The following ZMIZ1 variants were observed in gnomAD, a reference collection of about 807,000 sequenced individuals.
The protein encoded by ZMIZ1 is zinc finger MIZ domain-containing protein 1.
A neutral mutation model predicts 113.9 loss-of-function variants in ZMIZ1; 17 were observed. That is an observed-to-expected ratio of 0.15 (90% CI 0.10 to 0.22). The LOEUF (loss-of-function observed/expected upper bound fraction) is 0.22, where lower values mean the gene tolerates loss of function less well. Among genes scored for constraint, ZMIZ1 ranks in the 10% least tolerant of loss-of-function variants. The probability of loss-of-function intolerance (pLI) is 1.00; values close to 1 mark genes in which losing one functional copy is unlikely to be tolerated. For missense variants in ZMIZ1, 1,059 were observed against 1,477.8 expected (o/e 0.72, Z 4.65); for synonymous variants, 607 against 603.1 (o/e 1.01, Z -0.09).
intron 1 of ZMIZ1, among the ~76,000 whole-genome samples, chr10:79,073,844 C>T (rs981863263): frequency 4.6e-5 from 7 of 152,054 alleles, no homozygotes; most frequent in African/African-American, 9.7e-5. Flanking sequence ...GGGTCGGGCC[C>T]GGCATGGGTG....
chr10:79,160,820 C>T (rs963864651), intron 3 of ZMIZ1, among the ~76,000 whole-genome samples: 2 of 152,244 alleles, frequency 1.3e-5, no homozygotes, highest in African/African-American at 2.4e-5. Context: ...CTGTGAGCCA[C>T]GATCTTTGTT....
At chr10:79,244,233 GGT>G (rs1471113847) in intron 7 of ZMIZ1, among the ~76,000 whole-genome samples, 5 of 152,222 alleles carry the variant, frequency 3.3e-5, no homozygotes, top group Non-Finnish European at 7.3e-5. Flanking sequence ...TCGCAAAGGT[GGT>G]GGGTGCCGAA....
intron 14 of ZMIZ1, 40 bp from the exon 15 acceptor site, chr10:79,298,366 G>C: frequency 6.3e-7 from 1 of 1,589,214 alleles, no homozygotes; most frequent in South Asian, 1.1e-5. Flanking sequence ...TTCTGTCTCC[G>C]TAATCCCATA....
chr10:79,096,292 C>T (rs1408337381), intron 1 of ZMIZ1, among the ~76,000 whole-genome samples: 1 of 152,166 alleles, frequency 6.6e-6, no homozygotes, highest in Non-Finnish European at 1.5e-5. Flanking sequence ...AGGCGGATCA[C>T]AAGGTCAGGA....
chr10:79,299,205 C>A lies in ZMIZ1; in HGVS notation c.1808+14C>A. 6.3e-7 allele frequency: 1 copy of A among 1,595,676 alleles called. No individual in the cohort carries two copies. The highest frequency in any genetic ancestry group is 1.7e-4 in the Middle Eastern group (1 of 5,980). On this transcript the variant is annotated intron_variant, in intron 16 of 24. Transcript: ENST00000334512. ...GCTGATGTGGAGGTGCGTGTCAGGG[C>A]AGGGGCGCCAGCCCAGGCGGGATGA...
chr10:79,297,752 C>T lies in ZMIZ1; in HGVS notation c.1491+62C>T, dbSNP rs1185511600. 4.1e-6 allele frequency: 6 copies of T among 1,455,566 alleles called. No homozygotes were observed. The African/African-American group carries it at 7.0e-5, about 17-fold the overall frequency. The allele number at this position is 1,455,566 out of a possible 1,614,324, so 90.2% of individuals were successfully genotyped here. ...GGGAGTTGTTGCCTCTAAAGGTTCT[C>T]ACTGTTCCTGCTCCAGCCTCTCTGG... On this transcript the variant is annotated intron_variant, in intron 14 of 24. Coordinates refer to ENST00000334512, the MANE Select transcript of ZMIZ1 (RefSeq NM_020338.4).
At chr10:79,071,346 G>A (rs1842279120) in intron 1 of ZMIZ1, among the ~76,000 whole-genome samples, 1 of 152,242 alleles carries the variant, frequency 6.6e-6, no homozygotes, top group Admixed American at 6.5e-5. Flanking sequence ...ACAGGGCAGG[G>A]CAGGAGGCCA....
At chr10:79,205,332 G>A (rs1848272671) in intron 5 of ZMIZ1, among the ~76,000 whole-genome samples, 2 of 152,178 alleles carry the variant, frequency 1.3e-5, no homozygotes, top group Admixed American at 1.3e-4. Flanking sequence ...CTCCCACTGG[G>A]GCTCATTCTG....
intron 2 of ZMIZ1, among the ~76,000 whole-genome samples, chr10:79,125,594 C>T (rs1294332996): frequency 6.6e-6 from 1 of 152,238 alleles, no homozygotes; most frequent in Non-Finnish European, 1.5e-5. Flanking sequence ...ATGAGCCACA[C>T]ACCCAGGCCA....
chr10:79,289,828 C>A lies in ZMIZ1; in HGVS notation c.479C>A (p.Pro160His). 1 of 1,614,110 alleles carries A rather than the reference C, an allele frequency of 6.2e-7. No homozygotes were observed. Among genetic ancestry groups the A allele is most frequent in the Non-Finnish European group, 8.5e-7 (1 of 1,179,936 alleles). Residue 160 changes from proline (P) to histidine (H), a missense_variant, in exon 9 of 25, where the codon CCT becomes CAT. Pro to His is a moderately conservative substitution (Grantham distance 77, BLOSUM62 -2). Coordinates refer to ENST00000334512, the MANE Select transcript of ZMIZ1 (RefSeq NM_020338.4). The part of the protein sequence containing the change: ...SVPWQQNTNQ[P>H]PGSLSVVTTV... ...CCTTGGCAGCAGAACACCAACCAGC[C>A]TCCCGGCTCCCTTTCCGTGGTCACC...
chr10:79,174,390 G>A (rs1416405134), intron 4 of ZMIZ1, among the ~76,000 whole-genome samples: 1 of 152,260 alleles, frequency 6.6e-6, no homozygotes, highest in Non-Finnish European at 1.5e-5. Flanking sequence ...CCAAAGGGAT[G>A]AGTAGGAGAA....
intron 1 of ZMIZ1, among the ~76,000 whole-genome samples, chr10:79,115,408 G>T (rs891522568): frequency 5.3e-5 from 8 of 152,156 alleles, no homozygotes; most frequent in African/African-American, 1.4e-4. Context: ...CTTAGCAAAG[G>T]GTCCTGGAGG....
At chr10:79,203,355 A>G (rs529839334) in intron 5 of ZMIZ1, among the ~76,000 whole-genome samples, 3 of 152,322 alleles carry the variant, frequency 2.0e-5, no homozygotes, top group Non-Finnish European at 4.4e-5. Flanking sequence ...AACCCAGCCC[A>G]AATGGCTCTC....
intron 2 of ZMIZ1, among the ~76,000 whole-genome samples, chr10:79,137,577 C>T (rs1315798371): frequency 6.6e-6 from 1 of 152,182 alleles, no homozygotes; most frequent in Non-Finnish European, 1.5e-5. Context: ...ACAGTCACCC[C>T]TACAGTGGTC....
intron 7 of ZMIZ1, among the ~76,000 whole-genome samples, chr10:79,272,569 G>A (rs939112090): frequency 1.3e-5 from 2 of 152,254 alleles, no homozygotes; most frequent in East Asian, 1.9e-4. Flanking sequence ...GGCCATGTGC[G>A]GTTTCAGCAG....
intron 1 of ZMIZ1, among the ~76,000 whole-genome samples, chr10:79,073,267 A>T (rs1296112106): frequency 6.6e-6 from 1 of 152,222 alleles, no homozygotes; most frequent in African/African-American, 2.4e-5. Context: ...AGATGTGGGC[A>T]TGAGTCCCCT....
chr10:79,116,032 G>A (rs756373418), intron 1 of ZMIZ1, among the ~76,000 whole-genome samples: 3 of 152,166 alleles, frequency 2.0e-5, no homozygotes, highest in Non-Finnish European at 4.4e-5. Flanking sequence ...TAAGAGGGAA[G>A]GAGTGGTGCA....
intron 3 of ZMIZ1, among the ~76,000 whole-genome samples, chr10:79,151,679 TC>T (rs1233305804): frequency 6.6e-6 from 1 of 152,156 alleles, no homozygotes; most frequent in African/African-American, 2.4e-5. Flanking sequence ...CCCTCCTTCT[TC>T]CTCTGGTGCC....
chr10:79,150,348 G>A (rs1023163452), intron 3 of ZMIZ1, among the ~76,000 whole-genome samples: 7 of 152,236 alleles, frequency 4.6e-5, no homozygotes, highest in Admixed American at 2.0e-4. Context: ...GCCCGACCTC[G>A]GGCCGCCCTG....
Sources: gnomAD v4.1 joint callset for allele counts (sites outside exome capture counted in the v4.1 genomes callset) on GRCh38, gnomAD v4.1.1 for gene constraint, MANE v1.5 for transcripts, NCBI Gene and HGNC (gene_info 2026-07-23, HGNC 2026-07-21) for gene names.